The following KCND2 variants were observed in gnomAD, a reference collection of about 807,000 sequenced individuals.
The protein encoded by KCND2 is potassium voltage-gated channel subfamily D member 2.
In KCND2, 16 loss-of-function variants were observed where a neutral mutation model predicts 54.4. That is an observed-to-expected ratio of 0.29 (90% CI 0.20 to 0.45). The LOEUF (loss-of-function observed/expected upper bound fraction) is 0.45. Ranked by LOEUF, KCND2 falls within the 20% of genes least tolerant of loss-of-function variation. The pLI is 1.00. For missense variants in KCND2, 486 were observed against 824.2 expected (o/e 0.59, Z 5.02); for synonymous variants, 317 against 310.7 (o/e 1.02, Z -0.21).
chr7:120,637,194 G>A (rs916292590), intron 1 of KCND2, among the ~76,000 whole-genome samples: 1 of 152,096 alleles, frequency 6.6e-6, no homozygotes, highest in African/African-American at 2.4e-5. Context: ...TTCAAATTGA[G>A]TCTTCATAAT....
intron 1 of KCND2, among the ~76,000 whole-genome samples, chr7:120,624,989 A>C (rs528105501): frequency 6.6e-6 from 1 of 152,338 alleles, no homozygotes; most frequent in Non-Finnish European, 1.5e-5. Flanking sequence ...TTCACAGCTG[A>C]GAAAAATCAC....
intron 1 of KCND2, among the ~76,000 whole-genome samples, chr7:120,331,336 G>A (rs539085165): frequency 5.5e-4 from 84 of 152,088 alleles, no homozygotes; most frequent in African/African-American, 1.7e-3. Flanking sequence ...AAAGGATCAA[G>A]GTAAAGGCCC....
intron 1 of KCND2, among the ~76,000 whole-genome samples, chr7:120,314,624 ATGT>A (rs1270929292): frequency 6.6e-6 from 1 of 152,206 alleles, no homozygotes; most frequent in Non-Finnish European, 1.5e-5. Context: ...CAGCTAATAT[ATGT>A]CAGGGCCCGT....
At chr7:120,682,020 G>A (rs186334825) in intron 1 of KCND2, among the ~76,000 whole-genome samples, 9 of 152,084 alleles carry the variant, frequency 5.9e-5, no homozygotes, top group East Asian at 5.8e-4. Context: ...CCTATAAAAT[G>A]TAATTAATAT....
At chr7:120,477,639 A>G (rs150229486) in intron 1 of KCND2, among the ~76,000 whole-genome samples, 44 of 151,706 alleles carry the variant, frequency 2.9e-4, no homozygotes, top group African/African-American at 1.0e-3. Context: ...TATTAATTGG[A>G]TGAAAAAAAA....
intron 1 of KCND2, among the ~76,000 whole-genome samples, chr7:120,726,829 GTTCA>G (rs1156702599): frequency 3.3e-5 from 5 of 152,146 alleles, no homozygotes; most frequent in African/African-American, 7.2e-5. Context: ...CACAGGATCT[GTTCA>G]TTCATTCTAT....
intron 1 of KCND2, among the ~76,000 whole-genome samples, chr7:120,583,334 A>G (rs943455324): frequency 6.6e-6 from 1 of 152,042 alleles, no homozygotes; most frequent in African/African-American, 2.4e-5. Context: ...ATTTTTTCCT[A>G]ATGAATTTTA....
chr7:120,479,157 T>C (rs1802568477), intron 1 of KCND2, among the ~76,000 whole-genome samples: 1 of 152,156 alleles, frequency 6.6e-6, no homozygotes. Context: ...GCTTATAGCC[T>C]CATCAGCTAG....
At chr7:120,358,751 T>G (rs1800545419) in intron 1 of KCND2, among the ~76,000 whole-genome samples, 1 of 152,148 alleles carries the variant, frequency 6.6e-6, no homozygotes, top group Admixed American at 6.6e-5. Flanking sequence ...TTGCCTAAGG[T>G]TTGTAACCAG....
rs10263627 is a variant in KCND2 at position 120,482,897 on chromosome 7, A to G, written c.1115+207150A>G. 5.7e-3 allele frequency among the ~76,000 whole-genome samples: 869 copies of G among 152,330 alleles called. 6 individuals carry two copies. The highest frequency in any genetic ancestry group is 0.02 in the African/African-American group (838 of 41,574). On this transcript the variant is annotated intron_variant, in intron 1 of 5. Coordinates refer to ENST00000331113, the MANE Select transcript of KCND2 (RefSeq NM_012281.3). ...TTCTGAAAACAATAATAAATTGCTTATGATTAATTGCGTCACTTATTACTC... is the reference window on the plus strand; with the variant it reads ...TTCTGAAAACAATAATAAATTGCTTGTGATTAATTGCGTCACTTATTACTC...
intron 1 of KCND2, among the ~76,000 whole-genome samples, chr7:120,622,342 A>G (rs1296751009): frequency 6.6e-6 from 1 of 152,168 alleles, no homozygotes; most frequent in Non-Finnish European, 1.5e-5. Context: ...CATAGGATTC[A>G]CTTTTACGAG....
At chr7:120,725,914 G>C (rs1792728330) in intron 1 of KCND2, among the ~76,000 whole-genome samples, 1 of 152,140 alleles carries the variant, frequency 6.6e-6, no homozygotes, top group East Asian at 1.9e-4. Context: ...CGCACTCCTT[G>C]AAAGTTCATA....
chr7:120,298,554 C>T (rs1430798787), intron 1 of KCND2, among the ~76,000 whole-genome samples: 1 of 152,062 alleles, frequency 6.6e-6, no homozygotes, highest in Admixed American at 6.6e-5. Flanking sequence ...TCTGGTGTTC[C>T]TGCTAATAAT....
At chr7:120,415,812 G>A (rs1462489737) in intron 1 of KCND2, among the ~76,000 whole-genome samples, 1 of 152,138 alleles carries the variant, frequency 6.6e-6, no homozygotes, top group Non-Finnish European at 1.5e-5. Context: ...ATGTTCAGAA[G>A]CACATCAAAT....
chr7:120,351,902 C>T (rs1182794508), intron 1 of KCND2, among the ~76,000 whole-genome samples: 6 of 151,748 alleles, frequency 4.0e-5, no homozygotes, highest in African/African-American at 1.5e-4. Flanking sequence ...ACCTCTGCCT[C>T]CCGGGTTCAA....
intron 1 of KCND2, among the ~76,000 whole-genome samples, chr7:120,485,880 A>G (rs1802686195): frequency 6.6e-6 from 1 of 152,178 alleles, no homozygotes; most frequent in African/African-American, 2.4e-5. Context: ...CAGTATCACT[A>G]ACACCTGGAA....
chr7:120,486,187 G>C (rs1802690979), intron 1 of KCND2, among the ~76,000 whole-genome samples: 1 of 152,106 alleles, frequency 6.6e-6, no homozygotes, highest in Non-Finnish European at 1.5e-5. Flanking sequence ...AGGCCCAGAA[G>C]GATTGTGATA....
rs563578858 is a variant in KCND2 at position 120,312,666 on chromosome 7, C to T, written c.1115+36919C>T. ...CACTATTTTTCCCAGGTGTTGTTCA[C>T]GGCCTAACTCCTTCAGTAATAGTTC... is the stretch of plus-strand genomic sequence containing the variant. On this transcript the variant is annotated intron_variant, in intron 1 of 5. Coordinates refer to ENST00000331113, the MANE Select transcript of KCND2 (RefSeq NM_012281.3). 1.4e-4 allele frequency among the ~76,000 whole-genome samples: 21 copies of T among 152,246 alleles called. No homozygotes were observed. The South Asian group carries it at 1.7e-3, about 12-fold the overall frequency.
chr7:120,642,498 G>T (rs1488253780), intron 1 of KCND2, among the ~76,000 whole-genome samples: 2 of 151,436 alleles, frequency 1.3e-5, no homozygotes, highest in Non-Finnish European at 2.9e-5. Flanking sequence ...GGAGGTGGGG[G>T]TTGCAGTGAG....
Sources: gnomAD v4.1 joint callset for allele counts (sites outside exome capture counted in the v4.1 genomes callset) on GRCh38, gnomAD v4.1.1 for gene constraint, MANE v1.5 for transcripts, NCBI Gene and HGNC (gene_info 2026-07-23, HGNC 2026-07-21) for gene names.